Variants in RALYL observed in about 807,000 individuals in gnomAD.
The protein encoded by RALYL is RALY RNA binding protein like.
Under a neutral mutation model 35.1 loss-of-function variants are expected in RALYL, and 29 were observed. The observed-to-expected ratio is 0.83, with a 90% CI of 0.61 to 1.13. The LOEUF (loss-of-function observed/expected upper bound fraction) is 1.13, where lower values mean the gene tolerates loss of function less well. Ranked by LOEUF, RALYL falls within the 50% of genes most tolerant of loss-of-function variation. The pLI, the probability that RALYL is intolerant of heterozygous loss-of-function variation, is 0.00. For missense variants in RALYL, 359 were observed against 360.4 expected (o/e 1.00, Z 0.03); for synonymous variants, 120 against 127.6 (o/e 0.94, Z 0.40).
At chr8:84,264,031 T>C (rs1832810593) in intron 1 of RALYL, among the ~76,000 whole-genome samples, 1 of 152,212 alleles carries the variant, frequency 6.6e-6, no homozygotes, top group South Asian at 2.1e-4. Flanking sequence ...GCATTTGGGT[T>C]GATTCCTTGT....
intron 2 of RALYL, among the ~76,000 whole-genome samples, chr8:84,578,708 T>G (rs1810100966): frequency 6.6e-6 from 1 of 152,072 alleles, no homozygotes; most frequent in South Asian, 2.1e-4. Flanking sequence ...AGTGGAGAGA[T>G]GAACCACAGT....
intron 1 of RALYL, among the ~76,000 whole-genome samples, chr8:84,190,684 A>T (rs1813631096): frequency 6.6e-6 from 1 of 152,188 alleles, no homozygotes; most frequent in Non-Finnish European, 1.5e-5. Context: ...AAAATGATTC[A>T]ATTTTGAACA....
intron 2 of RALYL, among the ~76,000 whole-genome samples, chr8:84,543,865 G>T (rs1340245859): frequency 6.6e-6 from 1 of 152,056 alleles, no homozygotes; most frequent in Non-Finnish European, 1.5e-5. Flanking sequence ...TATTCTGGGT[G>T]CTAAGAAAGC....
chr8:84,381,306 G>A (rs1416556492), intron 1 of RALYL, among the ~76,000 whole-genome samples: 2 of 151,790 alleles, frequency 1.3e-5, no homozygotes, highest in East Asian at 1.9e-4. Context: ...GTGTATGTGT[G>A]TATATCTGTA....
At chr8:84,733,568 A>G (rs533198763) in intron 2 of RALYL, among the ~76,000 whole-genome samples, 1 of 152,308 alleles carries the variant, frequency 6.6e-6, no homozygotes, top group South Asian at 2.1e-4. Context: ...GAAAATAATA[A>G]CATGTCATTT....
At chr8:84,619,249 C>G (rs1306611689) in intron 2 of RALYL, among the ~76,000 whole-genome samples, 3 of 151,720 alleles carry the variant, frequency 2.0e-5, no homozygotes, top group Non-Finnish European at 4.4e-5. Context: ...GTAGGTCACT[C>G]AGGACTTGCT....
At chr8:84,328,122 A>G (rs1846155986) in intron 1 of RALYL, among the ~76,000 whole-genome samples, 1 of 152,180 alleles carries the variant, frequency 6.6e-6, no homozygotes. Context: ...ATTATTGGGA[A>G]TTATATTGGC....
intron 1 of RALYL, among the ~76,000 whole-genome samples, chr8:84,468,995 C>T (rs367938682): frequency 5.3e-5 from 8 of 151,574 alleles, no homozygotes; most frequent in African/African-American, 1.9e-4. Context: ...TCAGCTCCAT[C>T]AGCTCCTTTA....
intron 2 of RALYL, among the ~76,000 whole-genome samples, chr8:84,589,762 C>T (rs1383119366): frequency 1.3e-5 from 2 of 151,976 alleles, no homozygotes; most frequent in Non-Finnish European, 2.9e-5. Context: ...AAGAGAAGAG[C>T]AATAAGAACG....
At chr8:84,298,249 C>T in intron 1 of RALYL, among the ~76,000 whole-genome samples, 1 of 151,868 alleles carries the variant, frequency 6.6e-6, no homozygotes, top group Non-Finnish European at 1.5e-5. Flanking sequence ...ATCTCTTACA[C>T]AAGGCTAGCC....
At chr8:84,578,834 T>C (rs1588303963) in intron 2 of RALYL, among the ~76,000 whole-genome samples, 1 of 152,032 alleles carries the variant, frequency 6.6e-6, no homozygotes, top group African/African-American at 2.4e-5. Flanking sequence ...GGTCTGGGGG[T>C]TTTATGAGCT....
At chr8:84,755,207 G>T (rs1217202962) in intron 2 of RALYL, among the ~76,000 whole-genome samples, 1 of 152,088 alleles carries the variant, frequency 6.6e-6, no homozygotes, top group Non-Finnish European at 1.5e-5. Context: ...TGCTGGTGTG[G>T]CCCATCAGAT....
At chr8:84,353,204 T>TCCC (rs1851236348) in intron 1 of RALYL, among the ~76,000 whole-genome samples, 1 of 150,190 alleles carries the variant, frequency 6.7e-6, no homozygotes, top group Non-Finnish European at 1.5e-5. Context: ...CCGGACTGTT[T>TCCC]CGAGGTGCTG....
intron 1 of RALYL, among the ~76,000 whole-genome samples, chr8:84,491,193 C>T (rs779580488): frequency 8.6e-5 from 13 of 151,956 alleles, no homozygotes; most frequent in Admixed American, 1.3e-4. Flanking sequence ...TTTAATACTA[C>T]TTGCTCACTC....
chr8:84,601,437 T>C (rs1039731823), intron 2 of RALYL, among the ~76,000 whole-genome samples: 3 of 152,078 alleles, frequency 2.0e-5, no homozygotes, highest in African/African-American at 7.2e-5. Context: ...ACCTAGAAAC[T>C]AAACATCCAC....
intron 2 of RALYL, among the ~76,000 whole-genome samples, chr8:84,649,738 G>C (rs1003873482): frequency 4.6e-5 from 7 of 151,978 alleles, no homozygotes; most frequent in African/African-American, 1.7e-4. Flanking sequence ...TTGTTCTTTT[G>C]GCTTAGGATT....
chr8:84,539,089 T>G (rs2059814974), intron 2 of RALYL, among the ~76,000 whole-genome samples: 1 of 152,086 alleles, frequency 6.6e-6, no homozygotes, highest in Admixed American at 6.5e-5. Context: ...TTTGTGAAAG[T>G]TGGTGGTTTC....
intron 1 of RALYL, among the ~76,000 whole-genome samples, chr8:84,296,026 A>G (rs914001691): frequency 1.3e-5 from 2 of 152,092 alleles, no homozygotes; most frequent in Non-Finnish European, 2.9e-5. Context: ...TGCAAAAGTA[A>G]TTGTGGTTTT....
chr8:84,417,876 T>C (rs1277426688), intron 1 of RALYL, among the ~76,000 whole-genome samples: 1 of 152,172 alleles, frequency 6.6e-6, no homozygotes, highest in African/African-American at 2.4e-5. Context: ...CTATTGATAG[T>C]CTCAAGGCTT....
Sources: gnomAD v4.1 joint callset for allele counts (sites outside exome capture counted in the v4.1 genomes callset) on GRCh38, gnomAD v4.1.1 for gene constraint, MANE v1.5 for transcripts, NCBI Gene and HGNC (gene_info 2026-07-23, HGNC 2026-07-21) for gene names.